Variants in CENPS observed in about 807,000 individuals in gnomAD.
CENPS encodes centromere protein S.
Under a neutral mutation model 17.9 loss-of-function variants are expected in CENPS, and 16 were observed. The observed-to-expected ratio is 0.90, with a 90% confidence interval of 0.61 to 1.36. The LOEUF is 1.36. Ranked by LOEUF, CENPS falls within the 40% of genes most tolerant of loss-of-function variation. The probability of loss-of-function intolerance (pLI) is 0.00; values close to 1 mark genes in which losing one functional copy is unlikely to be tolerated. For synonymous variants in CENPS, 49 were observed against 55.8 expected (o/e 0.88, Z 0.54); for missense variants, 160 against 158.6 (o/e 1.01, Z -0.05).
intron 2 of CENPS, 34 bp downstream of exon 2, chr1:10,433,999 A>G (rs1203109296): frequency 6.2e-7 from 1 of 1,613,614 alleles, no homozygotes. Context: ...CCATGTCTGT[A>G]AACCCCAAAG....
chr1:10,442,560 T>A lies in CENPS; in HGVS notation c.*155T>A. 8.1e-7 allele frequency: 1 copy of A among 1,228,380 alleles called. No individual in the cohort carries two copies. Among genetic ancestry groups the A allele is most frequent in the Non-Finnish European group, 1.0e-6 (1 of 962,198 alleles). The allele number at this position is 1,228,380 out of a possible 1,614,324, so 76.1% of individuals were successfully genotyped here. On this transcript the variant is annotated 3_prime_UTR_variant, in exon 5 of 5. Coordinates refer to ENST00000309048, the MANE Select transcript of CENPS (RefSeq NM_199294.3). ...TGCTTTTTGTGCTGAATTCTCCACA[T>A]TGTTAACTGCCAAAGCTAGTTTTAG...
rs1284867336 is a variant in CENPS at position 10,442,576 on chromosome 1, C to T, written c.*171C>T. On this transcript the variant is annotated 3_prime_UTR_variant, in exon 5 of 5. Coordinates refer to ENST00000309048, the MANE Select transcript of CENPS (RefSeq NM_199294.3). ...TTCTCCACATTGTTAACTGCCAAAG[C>T]TAGTTTTAGAGAATGAGAAAGTCTT... 2 of 1,165,158 alleles carry T rather than the reference C, an allele frequency of 1.7e-6. No individual in the cohort carries two copies. The highest frequency in any genetic ancestry group is 2.2e-6 in the Non-Finnish European group (2 of 910,938). The allele number at this position is 1,165,158 out of a possible 1,614,324, so 72.2% of individuals were successfully genotyped here. A position where few individuals can be genotyped will look rare whatever the true frequency, so the allele number is the denominator to read the frequency against.
chr1:10,435,583 C>A (rs2124264107), intron 3 of CENPS, among the ~76,000 whole-genome samples: 1 of 151,790 alleles, frequency 6.6e-6, no homozygotes, highest in East Asian at 1.9e-4. Context: ...TTAGTCATTG[C>A]TGATTCAGGC....
At chr1:10,437,588 C>T (rs965293315) in intron 3 of CENPS, among the ~76,000 whole-genome samples, 6 of 151,742 alleles carry the variant, frequency 4.0e-5, no homozygotes, top group African/African-American at 1.5e-4. Context: ...TCCCAAGTAG[C>T]TGGGATTACA....
At chr1:10,438,365 G>A (rs749125208) in intron 3 of CENPS, among the ~76,000 whole-genome samples, 9 of 151,336 alleles carry the variant, frequency 5.9e-5, no homozygotes, top group Non-Finnish European at 7.4e-5. Context: ...GTCTGGCCTC[G>A]AACTCCTGAC....
At chr1:10,442,205 GTTTA>G in intron 4 of CENPS, 56 bp from the exon 5 acceptor site, 1 of 1,521,384 alleles carries the variant, frequency 6.6e-7, no homozygotes, top group South Asian at 1.3e-5. Context: ...TCGTTTGTTT[GTTTA>G]TTTAGGTTTA....
intron 3 of CENPS, among the ~76,000 whole-genome samples, chr1:10,435,396 G>C (rs1449924730): frequency 6.6e-6 from 1 of 151,818 alleles, no homozygotes; most frequent in African/African-American, 2.4e-5. Context: ...CCTTGTTCCC[G>C]TTAGCTCTTT....
Position 10,431,491 on chromosome 1 carries a change from A to C in CENPS, c.51+923A>C, listed in dbSNP as rs1191370716. 2.2e-6 allele frequency: 3 copies of C among 1,389,308 alleles called. No homozygotes were observed. In the Admixed American group the frequency reaches 6.3e-5, roughly 29 times the overall value. The allele number at this position is 1,389,308 out of a possible 1,614,324, so 86.1% of individuals were successfully genotyped here. On this transcript the variant is annotated intron_variant, in intron 1 of 4. Coordinates refer to ENST00000309048, the MANE Select transcript of CENPS (RefSeq NM_199294.3). ...CCCATGCTTCCCTCCCAGCCCCGCG[A>C]TTGGAGAATTAATTGCAGATATTTT...
intron 3 of CENPS, among the ~76,000 whole-genome samples, chr1:10,438,146 TG>T (rs1211370757): frequency 6.6e-6 from 1 of 152,084 alleles, no homozygotes; most frequent in Non-Finnish European, 1.5e-5. Context: ...TGTTTTGTTT[TG>T]TTTTGTTTGT....
At chr1:10,440,470 A>G in intron 4 of CENPS, 57 bp downstream of exon 4, 10 of 1,598,560 alleles carry the variant, frequency 6.3e-6, no homozygotes, top group South Asian at 1.1e-5. Flanking sequence ...ATTATTCCCA[A>G]TCAATCACTT....
chr1:10,435,375 C>T (rs1640104071), intron 3 of CENPS, among the ~76,000 whole-genome samples: 1 of 152,014 alleles, frequency 6.6e-6, no homozygotes, highest in Non-Finnish European at 1.5e-5. Context: ...TCCCACACCC[C>T]TTACTTTTCA....
chr1:10,442,798 A>C lies in CENPS; in HGVS notation c.*393A>C. The C allele has an allele frequency of 6.3e-6, 1 of 159,828 alleles. No individual in the cohort carries two copies. Among genetic ancestry groups the C allele is most frequent in the Non-Finnish European group, 1.4e-5 (1 of 73,694 alleles). 9.9% of individuals were successfully genotyped at this position (159,828 alleles called of 1,614,324 possible). On this transcript the variant is annotated 3_prime_UTR_variant, in exon 5 of 5. Coordinates refer to ENST00000309048, the MANE Select transcript of CENPS (RefSeq NM_199294.3). ...CAATCTCTGAAAGATGAATAAAGCTATATTTATTTAGCTTTTCTGGTTACT... is the reference window on the plus strand; with the variant it reads ...CAATCTCTGAAAGATGAATAAAGCTCTATTTATTTAGCTTTTCTGGTTACT...
chr1:10,435,537 A>G (rs752801484), intron 3 of CENPS, among the ~76,000 whole-genome samples: 22 of 151,792 alleles, frequency 1.4e-4, no homozygotes, highest in Non-Finnish European at 2.5e-4. Context: ...CAAAAGGGAT[A>G]AGGTAGTAGG....
At position 10,434,815 on chromosome 1, in the gene CENPS, T is replaced by A. The variant is rs1348703072; in HGVS notation, c.209+125T>A. The A allele has an allele frequency of 4.5e-6, 6 of 1,324,388 alleles. No homozygotes were observed. The African/African-American group carries it at 1.0e-4, about 22-fold the overall frequency. The allele number at this position is 1,324,388 out of a possible 1,614,324, so 82.0% of individuals were successfully genotyped here. A position where few individuals can be genotyped will look rare whatever the true frequency, so the allele number is the denominator to read the frequency against. Reference sequence around the variant, plus strand: ...TCCGTGTGTTTTGTGGAGGCTTGTCTCTAATCATGGTTCTGCAAGAACATG... The same window carrying A: ...TCCGTGTGTTTTGTGGAGGCTTGTCACTAATCATGGTTCTGCAAGAACATG... On this transcript the variant is annotated intron_variant, in intron 3 of 4. Transcript: ENST00000309048.
Position 10,442,555 on chromosome 1 carries a change from C to T in CENPS, c.*150C>T. 8.0e-7 allele frequency: 1 copy of T among 1,251,896 alleles called. No homozygotes were observed. The highest frequency in any genetic ancestry group is 1.0e-6 in the Non-Finnish European group (1 of 981,932). 77.5% of individuals were successfully genotyped at this position (1,251,896 alleles called of 1,614,324 possible). ...TAGGGTGCTTTTTGTGCTGAATTCT[C>T]CACATTGTTAACTGCCAAAGCTAGT... On this transcript the variant is annotated 3_prime_UTR_variant, in exon 5 of 5. Transcript: ENST00000309048.
chr1:10,434,739 G>A, intron 3 of CENPS, 49 bp downstream of exon 3: 1 of 1,552,886 alleles, frequency 6.4e-7, no homozygotes, highest in Non-Finnish European at 8.6e-7. Context: ...TAGCTTTTTG[G>A]GGCCTCTCCA....
At position 10,442,678 on chromosome 1, in the gene CENPS, C is replaced by A. The variant is rs909924668; in HGVS notation, c.*273C>A. ...AAATGGTATATATTAGAAATTACAT[C>A]TGTTGTAATTAAAATTGTGTGAGCA... On this transcript the variant is annotated 3_prime_UTR_variant, in exon 5 of 5. Coordinates refer to ENST00000309048, the MANE Select transcript of CENPS (RefSeq NM_199294.3). 1.5e-5 allele frequency: 5 copies of A among 341,236 alleles called. No individual in the cohort carries two copies. The highest frequency in any genetic ancestry group is 6.4e-5 in the African/African-American group (3 of 47,128). 21.1% of individuals were successfully genotyped at this position (341,236 alleles called of 1,614,324 possible).
chr1:10,431,423 G>A (rs746149094), intron 1 of CENPS: 4 of 1,534,688 alleles, frequency 2.6e-6, no homozygotes, highest in South Asian at 2.4e-5. Flanking sequence ...CCAGATGCCC[G>A]TCACCTTGAT....
At position 10,436,619 on chromosome 1, in the gene CENPS, T is replaced by C. The variant is rs149079396; in HGVS notation, c.209+1929T>C. ...TACTCAAAAGGTTGAGGCAGGAGAA[T>C]TGCTTGAACCAGGGAGGTGGAGGTT... On this transcript the variant is annotated intron_variant, in intron 3 of 4. Coordinates refer to ENST00000309048, the MANE Select transcript of CENPS (RefSeq NM_199294.3). 8.6e-3 allele frequency among the ~76,000 whole-genome samples: 1,296 copies of C among 149,996 alleles called. 20 individuals are homozygous for C. Among genetic ancestry groups the C allele is most frequent in the African/African-American group, 0.029 (1,195 of 40,690 alleles).
Sources: allele counts gnomAD v4.1 joint callset (sites outside exome capture counted in the v4.1 genomes callset), GRCh38; gene constraint gnomAD v4.1.1; transcripts MANE v1.5; gene names NCBI Gene and HGNC (gene_info 2026-07-23, HGNC 2026-07-21).